TCF12: variants seen among roughly 807,000 people sequenced by gnomAD.
TCF12 encodes the protein transcription factor 12, also known as DNA-binding protein HTF4.
Under a neutral mutation model 86.0 loss-of-function variants are expected in TCF12, and 45 were observed. That is an observed-to-expected ratio of 0.52 (90% CI 0.41 to 0.67). TCF12 has a LOEUF of 0.67. Among genes scored for constraint, TCF12 ranks in the 30% least tolerant of loss-of-function variants. TCF12 has a pLI of 0.00. For synonymous variants in TCF12, 330 were observed against 299.6 expected (o/e 1.10, Z -1.05); for missense variants, 881 against 859.9 (o/e 1.02, Z -0.31).
intron 12 of TCF12, among the ~76,000 whole-genome samples, chr15:57,239,917 G>A (rs192466317): frequency 1.3e-5 from 2 of 152,182 alleles, no homozygotes; most frequent in African/African-American, 4.8e-5. Flanking sequence ...AGCAACCAGT[G>A]TGACAAGAGA....
Position 57,055,227 on chromosome 15 carries a change from C to A in TCF12, c.149-8523C>A, listed in dbSNP as rs527781687. On this transcript the variant is annotated intron_variant, in intron 3 of 20. Transcript: ENST00000333725. ...GACCAGCCTGGCCAACATAGTGAAA[C>A]CCTATCTCTACTGAAAACACAAAAA... 3.4e-3 allele frequency among the ~76,000 whole-genome samples: 510 copies of A among 152,086 alleles called. 8 individuals carry two copies. The highest frequency in any genetic ancestry group is 1.8e-3 in the Non-Finnish European group (120 of 67,996).
At chr15:56,945,602 A>G (rs1157398270) in intron 3 of TCF12, among the ~76,000 whole-genome samples, 1 of 151,926 alleles carries the variant, frequency 6.6e-6, no homozygotes. Flanking sequence ...TTATTTTTCA[A>G]GTCTGCAATA....
At chr15:57,052,382 A>C (rs1289181309) in intron 3 of TCF12, among the ~76,000 whole-genome samples, 1 of 152,144 alleles carries the variant, frequency 6.6e-6, no homozygotes. Flanking sequence ...GCGTGGTGGC[A>C]GTCTCAGCAC....
chr15:57,072,341 G>A (rs2069473659), intron 4 of TCF12, among the ~76,000 whole-genome samples: 1 of 152,180 alleles, frequency 6.6e-6, no homozygotes, highest in South Asian at 2.1e-4. Flanking sequence ...GTTAGCTATG[G>A]TTGTATTAAA....
intron 5 of TCF12, among the ~76,000 whole-genome samples, chr15:57,137,277 C>T (rs2052618298): frequency 6.6e-6 from 1 of 152,114 alleles, no homozygotes; most frequent in South Asian, 2.1e-4. Context: ...CCACCACGCC[C>T]GGCCCTGGCA....
At chr15:57,024,025 A>T (rs1201764635) in intron 3 of TCF12, among the ~76,000 whole-genome samples, 1 of 152,064 alleles carries the variant, frequency 6.6e-6, no homozygotes, top group African/African-American at 2.4e-5. Flanking sequence ...CTCTCTACCC[A>T]CTGCTTACCT....
In TCF12 at chr15:57,236,559, A is replaced by G. The variant is rs72733941; in HGVS notation, c.1035+2452A>G. On this transcript the variant is annotated intron_variant, in intron 12 of 20. Coordinates refer to ENST00000333725, the MANE Select transcript of TCF12 (RefSeq NM_207037.2). ...GCTATTGTCATTAAAAATTAATTCT[A>G]TTTCCCCAATTGTCTAATATATGTC... Among the ~76,000 whole-genome samples, 1,329 of 152,234 alleles carry G rather than the reference A, an allele frequency of 8.7e-3. 12 individuals are homozygous for G. The highest frequency in any genetic ancestry group is 0.014 in the Non-Finnish European group (953 of 68,016).
intron 3 of TCF12, among the ~76,000 whole-genome samples, chr15:57,030,303 A>T (rs966898380): frequency 6.6e-6 from 1 of 152,180 alleles, no homozygotes; most frequent in South Asian, 2.1e-4. Flanking sequence ...CAGTGGCATG[A>T]TGATAGCTCA....
In TCF12 at chr15:57,106,913, AC is replaced by A. The variant is rs1390376951; in HGVS notation, c.325+15023del. Among the ~76,000 whole-genome samples the A allele has an allele frequency of 3.3e-5, 5 of 152,376 alleles. No individual in the cohort carries two copies. The East Asian group carries it at 9.6e-4, about 29-fold the overall frequency. The stretch of plus-strand genomic sequence containing the variant: ...ACAACCAAAATCCAAAACACTGACA[AC>A]ACCAAGTGCTGGTAACAATACGGAG... On this transcript the variant is annotated intron_variant, in intron 5 of 20. Transcript: ENST00000333725.
chr15:57,149,651 A>C (rs1253893979), intron 5 of TCF12, among the ~76,000 whole-genome samples: 1 of 152,194 alleles, frequency 6.6e-6, no homozygotes, highest in Non-Finnish European at 1.5e-5. Context: ...CCCATTATCT[A>C]TTATGGTAAA....
intron 3 of TCF12, among the ~76,000 whole-genome samples, chr15:57,002,753 C>T (rs979062004): frequency 6.6e-6 from 1 of 152,198 alleles, no homozygotes; most frequent in Non-Finnish European, 1.5e-5. Context: ...TAAGGTTTCA[C>T]GTTTAAACAG....
intron 5 of TCF12, among the ~76,000 whole-genome samples, chr15:57,165,171 C>T (rs1238268307): frequency 1.4e-5 from 2 of 143,048 alleles, no homozygotes; most frequent in African/African-American, 2.5e-5. Flanking sequence ...TGTGCGTACA[C>T]GAGATGTGCA....
At chr15:57,239,356 A>T (rs1309881765) in intron 12 of TCF12, among the ~76,000 whole-genome samples, 3 of 151,762 alleles carry the variant, frequency 2.0e-5, no homozygotes, top group Non-Finnish European at 4.4e-5. Flanking sequence ...CATCTCAAAA[A>T]AACAAAGAGG....
rs375709146 is a variant in TCF12, at chr15:57,053,197, A to G, written c.149-10553A>G. ...GAGATTATATCTTACTGTGATTTTGATTCATATTTTCCTGATATGTATGAT... is the reference window on the plus strand; with the variant it reads ...GAGATTATATCTTACTGTGATTTTGGTTCATATTTTCCTGATATGTATGAT... On this transcript the variant is annotated intron_variant, in intron 3 of 20. Transcript: ENST00000333725. 2.0e-5 allele frequency among the ~76,000 whole-genome samples: 3 copies of G among 152,066 alleles called. No homozygotes were observed. The East Asian group carries it at 5.8e-4, about 29-fold the overall frequency.
intron 4 of TCF12, among the ~76,000 whole-genome samples, chr15:57,065,754 A>G (rs1251635749): frequency 6.6e-6 from 1 of 152,006 alleles, no homozygotes; most frequent in Non-Finnish European, 1.5e-5. Flanking sequence ...TCCAAAGCAA[A>G]TCTTGCTTTT....
chr15:57,100,486 C>T (rs1348496470), intron 5 of TCF12, among the ~76,000 whole-genome samples: 2 of 146,638 alleles, frequency 1.4e-5, no homozygotes, highest in African/African-American at 5.1e-5. Context: ...TGGTCTTGAA[C>T]TCCTAGGTTT....
chr15:56,933,905 A>T (rs1475893594), intron 3 of TCF12, among the ~76,000 whole-genome samples: 1 of 151,788 alleles, frequency 6.6e-6, no homozygotes. Flanking sequence ...ATTATTTTAC[A>T]TATAAATATA....
intron 8 of TCF12, among the ~76,000 whole-genome samples, chr15:57,226,221 T>TC (rs1370495173): frequency 1.5e-4 from 23 of 151,444 alleles, no homozygotes; most frequent in African/African-American, 5.3e-4. Flanking sequence ...TTTTTTTTTT[T>TC]CTCAAGGTTT....
At chr15:57,280,904 T>C (rs2061655311) in intron 19 of TCF12, among the ~76,000 whole-genome samples, 1 of 152,228 alleles carries the variant, frequency 6.6e-6, no homozygotes. Flanking sequence ...TATAAAAATA[T>C]GTGGAACAAC....
Sources: allele counts gnomAD v4.1 joint callset (sites outside exome capture counted in the v4.1 genomes callset), GRCh38; gene constraint gnomAD v4.1.1; transcripts MANE v1.5; gene names NCBI Gene and HGNC (gene_info 2026-07-23, HGNC 2026-07-21).